The following FBXL20 variants were observed in gnomAD, a reference collection of about 807,000 sequenced individuals.
FBXL20 encodes the protein F-box/LRR-repeat protein 20.
A neutral mutation model predicts 64.0 loss-of-function variants in FBXL20; 11 were observed. That is an observed-to-expected ratio of 0.17 (90% CI 0.11 to 0.28). The LOEUF (loss-of-function observed/expected upper bound fraction) is 0.28. FBXL20 is among the 10% of genes least tolerant of loss of function. FBXL20 has a pLI of 1.00. For synonymous variants in FBXL20, 184 were observed against 189.0 expected, an observed-to-expected ratio of 0.97 and a Z score of 0.22; for missense variants, 303 against 526.2, an observed-to-expected ratio of 0.58 and a Z score of 4.15.
intron 4 of FBXL20, among the ~76,000 whole-genome samples, chr17:39,299,967 C>G (rs1344772275): frequency 6.6e-6 from 1 of 151,190 alleles, no homozygotes; most frequent in Non-Finnish European, 1.5e-5. Flanking sequence ...CATGGTGGCT[C>G]ACACCCGTAG....
intron 1 of FBXL20, among the ~76,000 whole-genome samples, chr17:39,390,523 T>C (rs1470864935): frequency 6.6e-6 from 1 of 151,060 alleles, no homozygotes; most frequent in Non-Finnish European, 1.5e-5. Flanking sequence ...ATGGCGCCAC[T>C]GCACTCCAAC....
chr17:39,362,620 G>C (rs1342301664), intron 1 of FBXL20, among the ~76,000 whole-genome samples: 4 of 149,562 alleles, frequency 2.7e-5, no homozygotes, highest in African/African-American at 9.8e-5. Context: ...ACCACACCCG[G>C]CTTTTTTTTT....
At chr17:39,317,673 C>CTTTTTTTTTTT (rs1567877307) in intron 2 of FBXL20, among the ~76,000 whole-genome samples, 2 of 108,456 alleles carry the variant, frequency 1.8e-5, no homozygotes, top group African/African-American at 7.9e-5. Context: ...GAGAGTTTGA[C>CTTTTTTTTTTT]TTTGTTTTTT....
chr17:39,401,684 C>T (rs1430610234), upstream of FBXL20: 4 of 1,258,636 alleles, frequency 3.2e-6, no homozygotes, highest in Non-Finnish European at 4.0e-6. Context: ...AACGCCGCTG[C>T]TCATTGGACA....
intron 2 of FBXL20, among the ~76,000 whole-genome samples, chr17:39,308,525 G>C (rs1208477461): frequency 6.6e-6 from 1 of 151,390 alleles, no homozygotes; most frequent in Non-Finnish European, 1.5e-5. Context: ...GTTTCTATTA[G>C]AATGGTGGGA....
At chr17:39,329,038 G>A (rs1375495881) in intron 2 of FBXL20, among the ~76,000 whole-genome samples, 5 of 152,066 alleles carry the variant, frequency 3.3e-5, no homozygotes, top group African/African-American at 1.2e-4. Context: ...GGGTGACAGA[G>A]CAAGACTCTG....
chr17:39,346,184 A>AATAAATCAG (rs1484828023), intron 1 of FBXL20, among the ~76,000 whole-genome samples: 42 of 152,178 alleles, frequency 2.8e-4, no homozygotes, highest in African/African-American at 9.6e-4. Flanking sequence ...ATTTATAAAT[A>AATAAATCAG]ATAAATCAGA....
intron 6 of FBXL20, among the ~76,000 whole-genome samples, chr17:39,286,909 CTTTT>C (rs35221372): frequency 1.7e-5 from 2 of 114,562 alleles, no homozygotes; most frequent in Non-Finnish European, 3.5e-5. Flanking sequence ...GTATCTATTT[CTTTT>C]TTTTTTTTTT....
rs2046725288 is a variant in FBXL20 at position 39,259,394 on chromosome 17, T to C, written c.*2066A>G. On this transcript the variant is annotated 3_prime_UTR_variant, in exon 15 of 15. Coordinates refer to ENST00000264658, the MANE Select transcript of FBXL20 (RefSeq NM_032875.3). Reference sequence around the variant, plus strand: ...AATATTATGATGGATTGCACATTAATGTCTCAAAGGACACCCCCCGCCAAA... The same window carrying C: ...AATATTATGATGGATTGCACATTAACGTCTCAAAGGACACCCCCCGCCAAA... 6.6e-6 allele frequency: 1 copy of C among 152,206 alleles called. No individual in the cohort carries two copies. Among genetic ancestry groups the C allele is most frequent in the African/African-American group, 2.4e-5 (1 of 41,450 alleles). The allele number at this position is 152,206 out of a possible 1,614,324, so 9.4% of individuals were successfully genotyped here. A position where few individuals can be genotyped will look rare whatever the true frequency, so the allele number is the denominator to read the frequency against.
chr17:39,398,335 TA>T (rs1461763954), intron 1 of FBXL20, among the ~76,000 whole-genome samples: 1 of 152,018 alleles, frequency 6.6e-6, no homozygotes, highest in South Asian at 2.1e-4. Context: ...GTAACTGAGG[TA>T]AAACATCTGG....
chr17:39,346,064 G>A (rs1229533299), intron 1 of FBXL20, among the ~76,000 whole-genome samples: 1 of 152,106 alleles, frequency 6.6e-6, no homozygotes, highest in African/African-American at 2.4e-5. Context: ...GCTCATGCCT[G>A]TAAGCCCAGC....
chr17:39,348,680 T>C (rs8069451), intron 1 of FBXL20, among the ~76,000 whole-genome samples: 57,272 of 152,008 alleles, frequency 0.38, 13,883 homozygotes, highest in African/African-American at 0.69. Flanking sequence ...TAGGCAGTAA[T>C]TCACAAAGTT....
chr17:39,301,771 A>C (rs970837974), intron 3 of FBXL20, among the ~76,000 whole-genome samples: 2 of 151,962 alleles, frequency 1.3e-5, no homozygotes, highest in Non-Finnish European at 2.9e-5. Context: ...GTGGCACACA[A>C]CTGTAGTCCC....
chr17:39,369,408 C>G lies in FBXL20; in HGVS notation c.43-26167G>C, dbSNP rs1428443020. Among the ~76,000 whole-genome samples, 6 of 152,132 alleles carry G rather than the reference C, an allele frequency of 3.9e-5. No individual in the cohort carries two copies. The East Asian group carries it at 1.2e-3, about 29-fold the overall frequency. On this transcript the variant is annotated intron_variant, in intron 1 of 14. Coordinates refer to ENST00000264658, the MANE Select transcript of FBXL20 (RefSeq NM_032875.3). ...GAGCAGCTGGGATTACAGGCACACACTACCAGGCCCAGGTAATATTTGTAT... is the reference window on the plus strand; with the variant it reads ...GAGCAGCTGGGATTACAGGCACACAGTACCAGGCCCAGGTAATATTTGTAT...
upstream of FBXL20, chr17:39,401,841 C>T (rs1285842729): frequency 2.1e-6 from 1 of 479,428 alleles, no homozygotes; most frequent in East Asian, 6.2e-5. Context: ...GCGGCACGAC[C>T]CCCTGCGCCT....
At chr17:39,388,389 G>T (rs1423972721) in intron 1 of FBXL20, among the ~76,000 whole-genome samples, 6 of 151,982 alleles carry the variant, frequency 3.9e-5, no homozygotes, top group Admixed American at 3.9e-4. Context: ...AGCCTGGCAG[G>T]TGGAGGTTGC....
chr17:39,378,637 TCTCA>T (rs1282908854), intron 1 of FBXL20, among the ~76,000 whole-genome samples: 1 of 149,776 alleles, frequency 6.7e-6, no homozygotes, highest in African/African-American at 2.5e-5. Context: ...TGGGATGGAG[TCTCA>T]CTCTGTTGCC....
intron 1 of FBXL20, among the ~76,000 whole-genome samples, chr17:39,362,574 C>T (rs531638161): frequency 4.0e-5 from 6 of 151,858 alleles, no homozygotes; most frequent in East Asian, 3.9e-4. Context: ...CCACCTGCCT[C>T]GGCCTCCCAA....
At chr17:39,271,150 C>A (rs2046839850) in intron 10 of FBXL20, among the ~76,000 whole-genome samples, 1 of 152,098 alleles carries the variant, frequency 6.6e-6, no homozygotes, top group African/African-American at 2.4e-5. Context: ...CATTAAAAGC[C>A]TTCTTGATGG....
Sources: gnomAD v4.1 joint callset for allele counts (sites outside exome capture counted in the v4.1 genomes callset) on GRCh38, gnomAD v4.1.1 for gene constraint, MANE v1.5 for transcripts, NCBI Gene and HGNC (gene_info 2026-07-23, HGNC 2026-07-21) for gene names.